Variants in BRIX1 observed in about 807,000 individuals in gnomAD.
BRIX1 encodes the protein biogenesis of ribosomes BRX1, also known as ribosome biogenesis protein BRX1 homolog.
A neutral mutation model predicts 44.0 loss-of-function variants in BRIX1; 15 were observed. That is an observed-to-expected ratio of 0.34 (90% CI 0.23 to 0.53). BRIX1 has a LOEUF of 0.53. Ranked by LOEUF, BRIX1 falls within the 20% of genes least tolerant of loss-of-function variation. BRIX1 has a pLI of 0.95. For missense variants in BRIX1, 420 were observed against 432.8 expected (o/e 0.97, Z 0.26); for synonymous variants, 149 against 135.4 (o/e 1.10, Z -0.70).
chr5:34,915,821 C>T lies in BRIX1; in HGVS notation c.83C>T (p.Pro28Leu). 6.3e-7 allele frequency: 1 copy of T among 1,576,420 alleles called. No individual in the cohort carries two copies. The highest frequency in any genetic ancestry group is 8.6e-7 in the Non-Finnish European group (1 of 1,161,158). The change falls in exon 1 of 10, where the codon CCG becomes CTG. Residue 28 changes from proline to leucine, a missense_variant. Transcript: ENST00000336767. ...AAAAGAAACGAAATAGATGCGGAGC[C>T]GCCAGCTAAGCGGCACGCCACAGCA... is the stretch of plus-strand genomic sequence containing the variant. ...KPKRNEIDAEPPAKRHATAEE... is the reference protein window; with the variant it reads ...KPKRNEIDAELPAKRHATAEE...
chr5:34,917,638 T>TCAAA (rs983031484), intron 1 of BRIX1, among the ~76,000 whole-genome samples: 1 of 152,084 alleles, frequency 6.6e-6, no homozygotes, highest in Non-Finnish European at 1.5e-5. Flanking sequence ...AGACTCCATC[T>TCAAA]CAAACAAACA....
rs138820946 is a variant in BRIX1 at position 34,921,850 on chromosome 5, C to A, written c.316-367C>A. 758 of 150,570 alleles carry A rather than the reference C, an allele frequency of 5.0e-3. 3 individuals are homozygous for A. Among genetic ancestry groups the A allele is most frequent in the Non-Finnish European group, 8.6e-3 (604 of 70,292 alleles). The allele number at this position is 150,570 out of a possible 1,614,324, so 9.3% of individuals were successfully genotyped here. A position where few individuals can be genotyped will look rare whatever the true frequency, so the allele number is the denominator to read the frequency against. On this transcript the variant is annotated intron_variant, in intron 3 of 9. Coordinates refer to ENST00000336767, the MANE Select transcript of BRIX1 (RefSeq NM_018321.4). The stretch of plus-strand genomic sequence containing the variant: ...TGAACCTGGGAGGTGGAGGTTGCGG[C>A]GAGCCGAGATCGTGCCATTGCACTC...
chr5:34,918,415 A>C lies in BRIX1; in HGVS notation c.211A>C (p.Asn71His), dbSNP rs752419046. 2 of 1,608,604 alleles carry C rather than the reference A, an allele frequency of 1.2e-6. No homozygotes were observed. The highest frequency in any genetic ancestry group is 1.1e-5 in the South Asian group (1 of 90,454). Residue 71 changes from asparagine (N) to histidine (H), a missense_variant, in exon 2 of 10, where the codon AAT (asparagine) becomes CAT (histidine). Physicochemically the swap from Asn to His is moderately conservative, Grantham distance 68 (BLOSUM62 1). Coordinates refer to ENST00000336767, the MANE Select transcript of BRIX1 (RefSeq NM_018321.4). ...RILIFSSRGI[N>H]FRTRHLMQDL... ...TCTCATCTTTTCTTCCAGAGGAATA[A>C]ATTTTAGAACAAGACATTTAATGCA...
At chr5:34,916,497 G>A (rs983749114) in intron 1 of BRIX1, 1 of 152,232 alleles carries the variant, frequency 6.6e-6, no homozygotes, top group Non-Finnish European at 1.5e-5. Context: ...AGATTGCAAA[G>A]ATGACTAGAA....
chr5:34,916,049 A>T, intron 1 of BRIX1, 152 bp downstream of exon 1: 1 of 905,084 alleles, frequency 1.1e-6, no homozygotes, highest in Non-Finnish European at 1.6e-6. Context: ...CAGACTGGGC[A>T]CGGAGTTTGC....
chr5:34,915,915 C>T lies in BRIX1; in HGVS notation c.159+18C>T, dbSNP rs758362451. The stretch of plus-strand genomic sequence containing the variant: ...TTTGCAAGGTAGGAGGGGATGTCCC[C>T]GGGCTACACCTGCGGCGGCGGCTCT... On this transcript the variant is annotated intron_variant, in intron 1 of 9. Transcript: ENST00000336767. 41 of 1,520,940 alleles carry T rather than the reference C, an allele frequency of 2.7e-5. No individual in the cohort carries two copies. The Middle Eastern group carries it at 5.2e-4, about 19-fold the overall frequency. 94.2% of individuals were successfully genotyped at this position (1,520,940 alleles called of 1,614,324 possible). A position where few individuals can be genotyped will look rare whatever the true frequency, so the allele number is the denominator to read the frequency against.
At chr5:34,924,766 A>G in intron 8 of BRIX1, 81 bp from the exon 9 acceptor site, 1 of 860,116 alleles carries the variant, frequency 1.2e-6, no homozygotes, top group Non-Finnish European at 1.8e-6. Flanking sequence ...TTTCAGGCAC[A>G]TTTATAATGA....
At chr5:34,921,967 G>T in intron 3 of BRIX1, 1 of 205,006 alleles carries the variant, frequency 4.9e-6, no homozygotes, top group Non-Finnish European at 9.5e-6. Flanking sequence ...GACCATTTTA[G>T]ATGCTAGGCC....
Position 34,925,379 on chromosome 5 carries a change from A to G in BRIX1, c.946A>G (p.Ile316Val). 6.2e-7 allele frequency: 1 copy of G among 1,614,072 alleles called. No homozygotes were observed. Among genetic ancestry groups the G allele is most frequent in the Non-Finnish European group, 8.5e-7 (1 of 1,180,006 alleles). ...TGTAACACCAGCTGAGGAGAAACCAATAGAAATACAGTGGGTAAAACCAGA... is the reference window on the plus strand; with the variant it reads ...TGTAACACCAGCTGAGGAGAAACCAGTAGAAATACAGTGGGTAAAACCAGA... ...VFVTPAEEKP[I>V]EIQWVKPEPK... Residue 316 changes from isoleucine (I) to valine (V), a missense_variant, in exon 10 of 10, where the codon ATA becomes GTA. By Grantham distance (29) the Ile-to-Val change is conservative. Coordinates refer to ENST00000336767, the MANE Select transcript of BRIX1 (RefSeq NM_018321.4).
At chr5:34,922,084 A>G in intron 3 of BRIX1, 133 bp from the exon 4 acceptor site, 2 of 470,706 alleles carry the variant, frequency 4.2e-6, no homozygotes. Context: ...GAATAAATAC[A>G]TGTTTAGGCC....
intron 3 of BRIX1, chr5:34,921,990 A>G (rs568948851): frequency 3.5e-6 from 1 of 283,838 alleles, no homozygotes; most frequent in Non-Finnish European, 6.5e-6. Context: ...AAAATATGAT[A>G]GATAATTTCA....
rs551951963 is a variant in BRIX1 at position 34,917,477 on chromosome 5, C to CA, written c.160-874dup. On this transcript the variant is annotated intron_variant, in intron 1 of 9. Transcript: ENST00000336767. ...TGAAACCCCGTCTCTACTAACACTA[C>CA]AAAAAAAAAAAAATCAGCCAGGTGC... 3.3e-3 allele frequency among the ~76,000 whole-genome samples: 462 copies of CA among 138,894 alleles called. 4 individuals carry two copies. Among genetic ancestry groups the CA allele is most frequent in the South Asian group, 0.021 (91 of 4,402 alleles). The allele number at this position is 138,894 out of a possible 152,430, so 91.1% of individuals were successfully genotyped here.
chr5:34,919,371 TTTTTTTG>T (rs912464920), intron 2 of BRIX1, among the ~76,000 whole-genome samples: 1 of 149,734 alleles, frequency 6.7e-6, no homozygotes, highest in East Asian at 2.0e-4. Flanking sequence ...TGCTTTGGGG[TTTTTTTG>T]TTTTTTGTTT....
intron 4 of BRIX1, 108 bp downstream of exon 4, chr5:34,922,395 G>A: frequency 1.1e-6 from 1 of 905,608 alleles, no homozygotes; most frequent in Non-Finnish European, 1.7e-6. Context: ...TGAGAATGAA[G>A]CAAACTTTTG....
chr5:34,917,575 G>A (rs1161146854), intron 1 of BRIX1, among the ~76,000 whole-genome samples: 2 of 152,110 alleles, frequency 1.3e-5, no homozygotes, highest in Admixed American at 6.5e-5. Context: ...GGGAGGTGGA[G>A]GTTGCAGTGA....
chr5:34,917,321 A>G (rs1764133941), intron 1 of BRIX1, among the ~76,000 whole-genome samples: 1 of 152,196 alleles, frequency 6.6e-6, no homozygotes, highest in African/African-American at 2.4e-5. Flanking sequence ...TCTGGGAAGT[A>G]AGGATGTGAT....
chr5:34,922,769 G>A lies in BRIX1; in HGVS notation c.510+1G>A, dbSNP rs1250932520. The A allele has an allele frequency of 6.2e-7, 1 of 1,613,486 alleles. No individual in the cohort carries two copies. The highest frequency in any genetic ancestry group is 1.7e-5 in the Admixed American group (1 of 60,008). The stretch of plus-strand genomic sequence containing the variant: ...TCGGCCCCTTTTGTCTTTTGACCCT[G>A]TAAGTTTCTCATTCAGTGTATGAGG... On this transcript the variant is annotated splice_donor_variant, in intron 6 of 9. Coordinates refer to ENST00000336767, the MANE Select transcript of BRIX1 (RefSeq NM_018321.4). LOFTEE classifies it high-confidence loss of function.
chr5:34,917,751 ACT>A (rs1206929172), intron 1 of BRIX1, among the ~76,000 whole-genome samples: 1 of 152,008 alleles, frequency 6.6e-6, no homozygotes, highest in Non-Finnish European at 1.5e-5. Context: ...TTAATATAAG[ACT>A]CTAAGTAAGT....
At chr5:34,922,905 A>G (rs1764271338) in intron 6 of BRIX1, 96 bp from the exon 7 acceptor site, 3 of 1,233,088 alleles carry the variant, frequency 2.4e-6, no homozygotes, top group Admixed American at 3.8e-5. Context: ...AGGTACATTT[A>G]TAATGAGGTT....
Sources: gnomAD v4.1 joint callset for allele counts (sites outside exome capture counted in the v4.1 genomes callset) on GRCh38, gnomAD v4.1.1 for gene constraint, MANE v1.5 for transcripts, NCBI Gene and HGNC (gene_info 2026-07-23, HGNC 2026-07-21) for gene names.